The following CRYM variants were observed in gnomAD, a reference collection of about 807,000 sequenced individuals.
CRYM encodes the protein ketimine reductase mu-crystallin.
Under a neutral mutation model 32.9 loss-of-function variants are expected in CRYM, and 18 were observed. The ratio of observed to expected loss-of-function variants is 0.55; its 90% confidence interval spans 0.38 to 0.81. The LOEUF is 0.81. Among genes scored for constraint, CRYM ranks in the 30% least tolerant of loss-of-function variants. The probability of loss-of-function intolerance (pLI) is 0.00; values close to 1 mark genes in which losing one functional copy is unlikely to be tolerated. For missense variants in CRYM, 337 were observed against 393.5 expected, an observed-to-expected ratio of 0.86 and a Z score of 1.21; for synonymous variants, 153 against 152.4, an observed-to-expected ratio of 1.00 and a Z score of -0.03.
rs1388891294 is a variant in CRYM, at chr16:21,258,582, T to G, written c.*199A>C. On this transcript the variant is annotated 3_prime_UTR_variant, in exon 8 of 8. Coordinates refer to ENST00000572914, the MANE Select transcript of CRYM (RefSeq NM_001376256.1). ...AAAGGGAAATGAATGCTATTATAAC[T>G]TGGTAGAACAGAAGAAATGGCTACC... is the stretch of plus-strand genomic sequence containing the variant. 2 of 622,092 alleles carry G rather than the reference T, an allele frequency of 3.2e-6. No individual in the cohort carries two copies. Among genetic ancestry groups the G allele is most frequent in the Non-Finnish European group, 5.7e-6 (2 of 348,586 alleles). 38.5% of individuals were successfully genotyped at this position (622,092 alleles called of 1,614,324 possible). A position where few individuals can be genotyped will look rare whatever the true frequency, so the allele number is the denominator to read the frequency against.
chr16:21,261,197 G>T, intron 7 of CRYM, 57 bp downstream of exon 7: 1 of 1,336,562 alleles, frequency 7.5e-7, no homozygotes, highest in Non-Finnish European at 1.1e-6. Context: ...TTCCACCAAT[G>T]GGTGAACCTG....
At position 21,277,365 on chromosome 16, in the gene CRYM, A is replaced by G. The variant is rs1020818420; in HGVS notation, c.324+66T>C. On this transcript the variant is annotated intron_variant, in intron 2 of 7. Coordinates refer to ENST00000572914, the MANE Select transcript of CRYM (RefSeq NM_001376256.1). The surrounding 1 kb of genome is among the most constrained non-coding windows in gnomAD (Gnocchi z 4.2). ...ATCAAGACTCCCCCTGCTGCGGAGAACTTACTTTTGAGCTTCAATCTGGGC... is the reference window on the plus strand; with the variant it reads ...ATCAAGACTCCCCCTGCTGCGGAGAGCTTACTTTTGAGCTTCAATCTGGGC... 5 of 1,573,974 alleles carry G rather than the reference A, an allele frequency of 3.2e-6. No individual in the cohort carries two copies. The highest frequency in any genetic ancestry group is 2.7e-5 in the African/African-American group (2 of 74,162).
At chr16:21,274,923 T>C (rs1246368270) in intron 3 of CRYM, among the ~76,000 whole-genome samples, 1 of 152,198 alleles carries the variant, frequency 6.6e-6, no homozygotes, top group East Asian at 1.9e-4. Flanking sequence ...TCCTTTTTAT[T>C]GGTATTGTCT....
At chr16:21,300,583 T>A (rs1420436944) in intron 1 of CRYM, 1 of 151,754 alleles carries the variant, frequency 6.6e-6, no homozygotes, top group Non-Finnish European at 1.5e-5. Flanking sequence ...TAAACTCATC[T>A]ACTCATCAAG....
At chr16:21,267,810 C>G in intron 4 of CRYM, 73 bp from the exon 5 acceptor site, 2 of 1,498,864 alleles carry the variant, frequency 1.3e-6, no homozygotes, top group African/African-American at 1.4e-5. Flanking sequence ...CCCAGGGATG[C>G]GGAGGGAAAG....
At chr16:21,283,485 T>C (rs1713091499) in intron 1 of CRYM, 1 of 152,082 alleles carries the variant, frequency 6.6e-6, no homozygotes, top group Non-Finnish European at 1.5e-5. Flanking sequence ...AAGTCTTTAT[T>C]TTGACTATTG....
chr16:21,265,296 A>G (rs1355414427), intron 5 of CRYM, among the ~76,000 whole-genome samples: 2 of 152,076 alleles, frequency 1.3e-5, no homozygotes, highest in Non-Finnish European at 2.9e-5. Context: ...TTCCACACTC[A>G]AGGCCTTTGC....
At chr16:21,300,519 A>AC (rs1343608988) in intron 1 of CRYM, 1 of 151,822 alleles carries the variant, frequency 6.6e-6, no homozygotes, top group Non-Finnish European at 1.5e-5. Context: ...TCTTAAAAAA[A>AC]AAAAAAAAAC....
intron 1 of CRYM, among the ~76,000 whole-genome samples, chr16:21,294,135 C>T (rs997598021): frequency 2.6e-5 from 4 of 152,258 alleles, no homozygotes; most frequent in South Asian, 4.1e-4. Flanking sequence ...AAGTTTATAG[C>T]AACCAAATGA....
chr16:21,295,111 T>C (rs937373456), intron 1 of CRYM, among the ~76,000 whole-genome samples: 6 of 152,198 alleles, frequency 3.9e-5, no homozygotes, highest in Non-Finnish European at 8.8e-5. Flanking sequence ...CTATTGCAAA[T>C]AGTGCTGCGA....
At chr16:21,269,284 A>G (rs1463981420) in intron 4 of CRYM, among the ~76,000 whole-genome samples, 1 of 151,968 alleles carries the variant, frequency 6.6e-6, no homozygotes, top group Non-Finnish European at 1.5e-5. Context: ...TTTCATACAC[A>G]CACATAAAAT....
At chr16:21,269,360 G>A (rs1295149815) in intron 4 of CRYM, among the ~76,000 whole-genome samples, 1 of 152,116 alleles carries the variant, frequency 6.6e-6, no homozygotes. Context: ...GGACCAGTAT[G>A]GAGACTGCAA....
intron 1 of CRYM, among the ~76,000 whole-genome samples, chr16:21,301,935 C>T (rs1339817572): frequency 6.6e-6 from 1 of 152,208 alleles, no homozygotes; most frequent in African/African-American, 2.4e-5. Context: ...CCGGCGTCCC[C>T]CTGCGCTTGC....
At position 21,262,176 on chromosome 16, in the gene CRYM, A is replaced by G. The variant is rs2093355787; in HGVS notation, c.674-18T>C. 1 of 1,613,810 alleles carries G rather than the reference A, an allele frequency of 6.2e-7. No individual in the cohort carries two copies. The highest frequency in any genetic ancestry group is 1.7e-5 in the Admixed American group (1 of 60,004). On this transcript the variant is annotated intron_variant, in intron 5 of 7. Coordinates refer to ENST00000572914, the MANE Select transcript of CRYM (RefSeq NM_001376256.1). ...TCCAACAGCTAAGAGACAGCAAAAC[A>G]GACCTTAAGCCCAGGATTAGTGCCA...
intron 2 of CRYM, among the ~76,000 whole-genome samples, chr16:21,276,273 G>A (rs1425839957): frequency 1.3e-5 from 2 of 152,236 alleles, no homozygotes; most frequent in African/African-American, 4.8e-5. Context: ...CGAAGTCACT[G>A]AGCAGATTCA....
Position 21,258,596 on chromosome 16 carries a change from G to A in CRYM, c.*185C>T. 1 of 648,580 alleles carries A rather than the reference G, an allele frequency of 1.5e-6. No individual in the cohort carries two copies. Among genetic ancestry groups the A allele is most frequent in the Non-Finnish European group, 2.8e-6 (1 of 361,220 alleles). The allele number at this position is 648,580 out of a possible 1,614,324, so 40.2% of individuals were successfully genotyped here. The stretch of plus-strand genomic sequence containing the variant: ...GCTATTATAACTTGGTAGAACAGAA[G>A]AAATGGCTACCTAGCTTTGCTTTCC... On this transcript the variant is annotated 3_prime_UTR_variant, in exon 8 of 8. Transcript: ENST00000572914.
chr16:21,289,972 G>A (rs549121009), intron 1 of CRYM, among the ~76,000 whole-genome samples: 6 of 151,800 alleles, frequency 4.0e-5, no homozygotes, highest in African/African-American at 1.5e-4. Flanking sequence ...TCTAGCTAAA[G>A]GATTGTAAAT....
At position 21,262,024 on chromosome 16, in the gene CRYM, A is replaced by C; in HGVS notation, c.795+13T>G. On this transcript the variant is annotated intron_variant, in intron 6 of 7. Transcript: ENST00000572914. Reference sequence around the variant, plus strand: ...CCAGGTGGCAGCCCTGACTGGGGTCAGAAGGGCCTCACCCCTGACAGCAGG... The same window carrying C: ...CCAGGTGGCAGCCCTGACTGGGGTCCGAAGGGCCTCACCCCTGACAGCAGG... 1 of 1,613,766 alleles carries C rather than the reference A, an allele frequency of 6.2e-7. No individual in the cohort carries two copies.
chr16:21,302,653 G>A (rs956656781), intron 1 of CRYM, among the ~76,000 whole-genome samples: 1 of 152,130 alleles, frequency 6.6e-6, no homozygotes, highest in Non-Finnish European at 1.5e-5. Flanking sequence ...TGTTTCCTCC[G>A]TGATTAGGCC....
Sources: allele counts gnomAD v4.1 joint callset (sites outside exome capture counted in the v4.1 genomes callset), GRCh38; gene constraint gnomAD v4.1.1; non-coding constraint Gnocchi (gnomAD v3.1); transcripts MANE v1.5; gene names NCBI Gene and HGNC (gene_info 2026-07-23, HGNC 2026-07-21).